The following IL17RA variants were observed in gnomAD, a reference collection of about 807,000 sequenced individuals.
IL17RA encodes the protein interleukin 17 receptor A.
Under a neutral mutation model 50.4 loss-of-function variants are expected in IL17RA, and 34 were observed. The observed-to-expected ratio is 0.67, with a 90% confidence interval of 0.51 to 0.90. The LOEUF (loss-of-function observed/expected upper bound fraction) is 0.90, where lower values mean the gene tolerates loss of function less well. Ranked by LOEUF, IL17RA falls within the 40% of genes least tolerant of loss-of-function variation. IL17RA has a pLI of 0.00. For missense variants in IL17RA, 1,276 were observed against 1,169.8 expected (o/e 1.09, Z -1.32); for synonymous variants, 585 against 510.4 (o/e 1.15, Z -1.97).
rs2061432294 is a variant in IL17RA at position 17,109,675 on chromosome 22, A to G, written c.2456A>G (p.Gln819Arg). ...ATGGAGGAAGAGGAGGAAGAGGAGC[A>G]GGACCCAGGGAAGCCGGCCCTGCCA... The part of the protein sequence containing the change: ...TEMEEEEEEE[Q>R]DPGKPALPLS... The change falls in exon 13 of 13, where the codon CAG becomes CGG. Residue 819 changes from glutamine (Q) to arginine (R), a missense_variant. By Grantham distance (43) the Gln-to-Arg change is conservative. Transcript: ENST00000319363. 3.1e-6 allele frequency: 5 copies of G among 1,599,374 alleles called. No homozygotes were observed. The Admixed American group carries it at 8.7e-5, about 28-fold the overall frequency.
chr22:17,114,972 C>G lies in IL17RA; in HGVS notation c.*5152C>G, dbSNP rs1057211272. 19 of 152,356 alleles carry G rather than the reference C, an allele frequency of 1.2e-4. No individual in the cohort carries two copies. The highest frequency in any genetic ancestry group is 4.3e-4 in the African/African-American group (18 of 41,564). The allele number at this position is 152,356 out of a possible 1,614,324, so 9.4% of individuals were successfully genotyped here. Reference sequence around the variant, plus strand: ...GCAGAGGGCCTGACAGTCAACCACGCGCTATATTTTCCTGTTCTTCCTTAG... The same window carrying G: ...GCAGAGGGCCTGACAGTCAACCACGGGCTATATTTTCCTGTTCTTCCTTAG... On this transcript the variant is annotated 3_prime_UTR_variant, in exon 13 of 13. Transcript: ENST00000319363.
chr22:17,092,227 CCTGAGGAGGGCATGG>C (rs1267625156), intron 1 of IL17RA, among the ~76,000 whole-genome samples: 1 of 152,122 alleles, frequency 6.6e-6, no homozygotes, highest in East Asian at 1.9e-4. Context: ...GGGTGGCACA[CCTGAGGAGGGCATGG>C]AAGCTTTGTA....
Position 17,108,437 on chromosome 22 carries a change from C to T in IL17RA, c.1218C>T (p.Cys406=), listed in dbSNP as rs1264115453. ...TCGCCCAGTTCCTGCTCACCGCCTG[C>T]GGCACGGAAGTGGCCCTGGACCTGC... is the stretch of plus-strand genomic sequence containing the variant. ...LKFAQFLLTA[C]GTEVALDLLE... The change falls in exon 13 of 13, where the codon TGC becomes TGT. Residue 406 remains cysteine (C), a synonymous_variant. Coordinates refer to ENST00000319363, the MANE Select transcript of IL17RA (RefSeq NM_014339.7). 7 of 1,613,810 alleles carry T rather than the reference C, an allele frequency of 4.3e-6. No individual in the cohort carries two copies. The African/African-American group carries it at 5.3e-5, about 12-fold the overall frequency.
chr22:17,100,499 A>C lies in IL17RA; in HGVS notation c.550+18A>C. 1 of 1,613,506 alleles carries C rather than the reference A, an allele frequency of 6.2e-7. No homozygotes were observed. The highest frequency in any genetic ancestry group is 8.5e-7 in the Non-Finnish European group (1 of 1,179,980). On this transcript the variant is annotated intron_variant, in intron 5 of 12. Transcript: ENST00000319363. ...TGTGCCTGGTAAGAGCATCCTCCCA[A>C]GACATTCCCTCCCCAATGGCCTCTG...
chr22:17,109,552 C>T lies in IL17RA; in HGVS notation c.2333C>T (p.Pro778Leu). 6.2e-7 allele frequency: 1 copy of T among 1,600,174 alleles called. No homozygotes were observed. The highest frequency in any genetic ancestry group is 8.5e-7 in the Non-Finnish European group (1 of 1,173,420). Reference sequence around the variant, plus strand: ...AGACCCGCCATGGTCCTCACAGACCCACACACGCCCTACGAGGAGGAGCAG... The same window carrying T: ...AGACCCGCCATGGTCCTCACAGACCTACACACGCCCTACGAGGAGGAGCAG... The part of the protein sequence containing the change: ...CSRPAMVLTD[P>L]HTPYEEEQRQ... The change falls in exon 13 of 13, where the codon CCA becomes CTA. Residue 778 changes from proline to leucine, a missense_variant. Coordinates refer to ENST00000319363, the MANE Select transcript of IL17RA (RefSeq NM_014339.7).
rs368404830 is a variant in IL17RA at position 17,108,683 on chromosome 22, G to T, written c.1464G>T (p.Pro488=). 6.2e-7 allele frequency: 1 copy of T among 1,608,740 alleles called. No individual in the cohort carries two copies. The highest frequency in any genetic ancestry group is 8.5e-7 in the Non-Finnish European group (1 of 1,179,848). ...LFTAAMNMIL[P]DFKRPACFGT... is the part of the protein sequence containing the mutation. ...CTGCAGCCATGAACATGATCCTCCC[G>T]GACTTCAAGAGGCCAGCCTGCTTCG... The change falls in exon 13 of 13, where the codon CCG becomes CCT. Residue 488 remains proline, a synonymous_variant. Coordinates refer to ENST00000319363, the MANE Select transcript of IL17RA (RefSeq NM_014339.7).
At position 17,110,181 on chromosome 22, in the gene IL17RA, C is replaced by A; in HGVS notation, c.*361C>A. 2.9e-6 allele frequency: 1 copy of A among 348,098 alleles called. No homozygotes were observed. 21.6% of individuals were successfully genotyped at this position (348,098 alleles called of 1,614,324 possible). A position where few individuals can be genotyped will look rare whatever the true frequency, so the allele number is the denominator to read the frequency against. On this transcript the variant is annotated 3_prime_UTR_variant, in exon 13 of 13. Coordinates refer to ENST00000319363, the MANE Select transcript of IL17RA (RefSeq NM_014339.7). ...GGCCCCAGCCATGAAGGAACTTAAC[C>A]GCTAGTGCCGAGGACACGTTAAACG...
Position 17,098,782 on chromosome 22 carries a change from C to G in IL17RA, c.318C>G (p.Ile106Met), listed in dbSNP as rs746727468. The change falls in exon 4 of 13, where the codon ATC becomes ATG. Residue 106 changes from isoleucine to methionine, a missense_variant. Physicochemically the swap from Ile to Met is conservative, Grantham distance 10. Transcript: ENST00000319363. ...CTTCTCCCTCTCCTGCAGCCAGCAT[C>G]CTGTACCTCGAGGGTGCAGAGTTAT... Reference protein sequence around the residue: ...IEWTLQTDASILYLEGAELSV... With the variant: ...IEWTLQTDASMLYLEGAELSV... The G allele has an allele frequency of 6.2e-6, 10 of 1,613,782 alleles. No homozygotes were observed. The Admixed American group carries it at 1.7e-4, about 27-fold the overall frequency.
chr22:17,094,691 CTATATATA>C (rs1188416715), intron 1 of IL17RA, among the ~76,000 whole-genome samples: 2 of 24,704 alleles, frequency 8.1e-5, no homozygotes, highest in East Asian at 1.0e-3. Flanking sequence ...CTCTCTCTCT[CTATATATA>C]TATATATATA....
At chr22:17,094,691 C>CTCTCTCTCTCTCTCTCTCTCTATA (rs1448096911) in intron 1 of IL17RA, among the ~76,000 whole-genome samples, 2 of 24,704 alleles carry the variant, frequency 8.1e-5, no homozygotes, top group South Asian at 1.8e-3. Flanking sequence ...CTCTCTCTCT[C>CTCTCTCTCTCTCTCTCTCTCTATA]TATATATATA....
chr22:17,107,678 TA>T, intron 11 of IL17RA, 48 bp from the exon 12 acceptor site: 1 of 1,535,820 alleles, frequency 6.5e-7, no homozygotes, highest in Non-Finnish European at 9.0e-7. Context: ...AGCTGGTTTC[TA>T]TTTCTCTTCC....
rs749236026 is a variant in IL17RA, at chr22:17,109,690, C to A, written c.2471C>A (p.Pro824Gln). The change falls in exon 13 of 13, where the codon CCG (proline) becomes CAG (glutamine). Residue 824 changes from proline to glutamine, a missense_variant. Coordinates refer to ENST00000319363, the MANE Select transcript of IL17RA (RefSeq NM_014339.7). The stretch of plus-strand genomic sequence containing the variant: ...GAAGAGGAGCAGGACCCAGGGAAGC[C>A]GGCCCTGCCACTCTCTCCCGAGGAC... ...EEEEEQDPGK[P>Q]ALPLSPEDLE... 1.0e-5 allele frequency: 16 copies of A among 1,578,046 alleles called. No homozygotes were observed. In the Admixed American group the frequency reaches 2.8e-4, roughly 27 times the overall value.
rs1177189599 is a variant in IL17RA, at chr22:17,100,491, T to C, written c.550+10T>C. 2 of 1,613,602 alleles carry C rather than the reference T, an allele frequency of 1.2e-6. No homozygotes were observed. The highest frequency in any genetic ancestry group is 2.2e-5 in the East Asian group (1 of 44,892). ...AATTTCCTTGTGCCTGGTAAGAGCA[T>C]CCTCCCAAGACATTCCCTCCCCAAT... On this transcript the variant is annotated intron_variant, in intron 5 of 12. Coordinates refer to ENST00000319363, the MANE Select transcript of IL17RA (RefSeq NM_014339.7).
At position 17,085,093 on chromosome 22, in the gene IL17RA, TG is replaced by T; in HGVS notation, c.7del (p.Ala3?). 1 of 1,338,782 alleles carries T rather than the reference TG, an allele frequency of 7.5e-7. No homozygotes were observed. The highest frequency in any genetic ancestry group is 9.6e-7 in the Non-Finnish European group (1 of 1,046,120). 82.9% of individuals were successfully genotyped at this position (1,338,782 alleles called of 1,614,324 possible). ...GCCCTCCGCGACGCCAGCCGGGCCA[TG>T]GGGGCCGCACGCAGCCCGCCGTCCG... is the stretch of plus-strand genomic sequence containing the variant. [M>X]GAARSPPSAV... On this transcript the variant is annotated frameshift_variant and start_lost, in exon 1 of 13. Transcript: ENST00000319363. LOFTEE classifies it high-confidence loss of function.
intron 1 of IL17RA, among the ~76,000 whole-genome samples, chr22:17,092,702 G>T (rs1167487209): frequency 6.7e-6 from 1 of 148,642 alleles, no homozygotes; most frequent in East Asian, 2.0e-4. Context: ...CGGGGAATAT[G>T]TGTCCTTCTC....
rs186541010 is a variant in IL17RA, at chr22:17,102,195, G to T, written c.655G>T (p.Val219Leu). The change falls in exon 7 of 13, where the codon GTG becomes TTG. Residue 219 changes from valine to leucine, a missense_variant. Physicochemically the swap from Val to Leu is conservative, Grantham distance 32 (BLOSUM62 1). Transcript: ENST00000319363. ...VETLEAHQLR[V>L]SFTLWNESTH... is the part of the protein sequence containing the mutation. Reference sequence around the variant, plus strand: ...GACCCTGGAGGCCCACCAGCTGCGTGTGAGCTTCACCCTGTGGAACGAATC... The same window carrying T: ...GACCCTGGAGGCCCACCAGCTGCGTTTGAGCTTCACCCTGTGGAACGAATC... 460 of 1,614,202 alleles carry T rather than the reference G, an allele frequency of 2.8e-4. 1 individual carries two copies. The East Asian group carries it at 9.9e-3, about 35-fold the overall frequency.
rs927743341 is a variant in IL17RA at position 17,114,946 on chromosome 22, G to C, written c.*5126G>C. On this transcript the variant is annotated 3_prime_UTR_variant, in exon 13 of 13. Coordinates refer to ENST00000319363, the MANE Select transcript of IL17RA (RefSeq NM_014339.7). ...TGAAGGTGGCTGTGACGAGGGAAGG[G>C]GCAGAGGGCCTGACAGTCAACCACG... 1 of 152,282 alleles carries C rather than the reference G, an allele frequency of 6.6e-6. No homozygotes were observed. The highest frequency in any genetic ancestry group is 2.4e-5 in the African/African-American group (1 of 41,440). 9.4% of individuals were successfully genotyped at this position (152,282 alleles called of 1,614,324 possible).
chr22:17,108,615 C>CG lies in IL17RA; in HGVS notation c.1398dup (p.Leu467AlafsTer44), dbSNP rs779216594. 1 of 1,604,486 alleles carries CG rather than the reference C, an allele frequency of 6.2e-7. No individual in the cohort carries two copies. Among genetic ancestry groups the CG allele is most frequent in the Non-Finnish European group, 8.5e-7 (1 of 1,179,604 alleles). On this transcript the variant is annotated frameshift_variant, in exon 13 of 13. Coordinates refer to ENST00000319363, the MANE Select transcript of IL17RA (RefSeq NM_014339.7). LOFTEE classifies it low-confidence loss of function (END_TRUNC). ...GCTCCTGGGCCGGGGGGCGCCTGTG[C>CG]GGCTGCGCTGCGACCACGGAAAGCC...
Position 17,108,580 on chromosome 22 carries a change from A to G in IL17RA, c.1361A>G (p.Lys454Arg), listed in dbSNP as rs377307666. ...CTGTGCTCCCGCGGCACGCGCGCCA[A>G]GTGGCAGGCGCTCCTGGGCCGGGGG... ...IVLCSRGTRA[K>R]WQALLGRGAP... Residue 454 changes from lysine to arginine, a missense_variant, in exon 13 of 13, where the codon AAG becomes AGG. Transcript: ENST00000319363. 6.2e-7 allele frequency: 1 copy of G among 1,605,850 alleles called. No individual in the cohort carries two copies. The highest frequency in any genetic ancestry group is 8.5e-7 in the Non-Finnish European group (1 of 1,179,862).
Sources: gnomAD v4.1 joint callset for allele counts (sites outside exome capture counted in the v4.1 genomes callset) on GRCh38, gnomAD v4.1.1 for gene constraint, MANE v1.5 for transcripts, NCBI Gene and HGNC (gene_info 2026-07-23, HGNC 2026-07-21) for gene names.